ACSM5: variants seen among roughly 807,000 people sequenced by gnomAD.
ACSM5 encodes acyl-coenzyme A synthetase ACSM5, mitochondrial.
ACSM5 carries 56 observed loss-of-function variants against 71.6 expected under a neutral mutation model. The observed-to-expected ratio is 0.78, with a 90% CI of 0.63 to 0.98. The LOEUF is 0.98. ACSM5 is among the 50% of genes least tolerant of loss of function. ACSM5 has a pLI of 0.00. For synonymous variants in ACSM5, 285 were observed against 281.5 expected, an observed-to-expected ratio of 1.01 and a Z score of -0.12; for missense variants, 723 against 726.0, an observed-to-expected ratio of 1.00 and a Z score of 0.05.
chr16:20,423,258 G>C (rs901882372), intron 5 of ACSM5, among the ~76,000 whole-genome samples: 4 of 152,206 alleles, frequency 2.6e-5, no homozygotes, highest in African/African-American at 9.6e-5. Flanking sequence ...GAAATGGGGA[G>C]AACCAGGAGT....
chr16:20,418,057 A>G lies in ACSM5; in HGVS notation c.205-2A>G. On this transcript the variant is annotated splice_acceptor_variant, in intron 2 of 13. Coordinates refer to ENST00000331849, the MANE Select transcript of ACSM5 (RefSeq NM_017888.3). LOFTEE classifies it high-confidence loss of function. ...TTTTTTTCTGCCTGTACCACCATCT[A>G]GGCTGGACACCGCCCCCCAAATCCT... 2 of 1,613,486 alleles carry G rather than the reference A, an allele frequency of 1.2e-6. No individual in the cohort carries two copies. The highest frequency in any genetic ancestry group is 2.2e-5 in the South Asian group (2 of 91,046).
chr16:20,425,451 G>A (rs570536532), intron 6 of ACSM5, among the ~76,000 whole-genome samples: 1 of 152,188 alleles, frequency 6.6e-6, no homozygotes, highest in East Asian at 1.9e-4. Flanking sequence ...ATTTTCATAG[G>A]TTATTGGGGA....
intron 7 of ACSM5, among the ~76,000 whole-genome samples, chr16:20,428,101 G>GC (rs1409790480): frequency 1.3e-5 from 2 of 151,938 alleles, no homozygotes; most frequent in Non-Finnish European, 2.9e-5. Context: ...CAAGCTTCTG[G>GC]CCCCCCAAAA....
At chr16:20,434,489 T>A (rs948346684) in intron 10 of ACSM5, among the ~76,000 whole-genome samples, 1 of 152,038 alleles carries the variant, frequency 6.6e-6, no homozygotes, top group Admixed American at 6.6e-5. Flanking sequence ...AGGTCAGGAG[T>A]TCGAGACCAG....
chr16:20,440,631 C>T lies in ACSM5; in HGVS notation c.*204C>T, dbSNP rs1967309317. ...TGGCCCTGATCACATAGATGCTGCG[C>T]CGCCTAGCAAATGCTTGGTGGTTCG... On this transcript the variant is annotated 3_prime_UTR_variant, in exon 14 of 14. Coordinates refer to ENST00000331849, the MANE Select transcript of ACSM5 (RefSeq NM_017888.3). The T allele has an allele frequency of 3.8e-6, 2 of 520,774 alleles. No individual in the cohort carries two copies. The highest frequency in any genetic ancestry group is 7.1e-6 in the Non-Finnish European group (2 of 279,812). 32.3% of individuals were successfully genotyped at this position (520,774 alleles called of 1,614,324 possible). A position where few individuals can be genotyped will look rare whatever the true frequency, so the allele number is the denominator to read the frequency against.
chr16:20,435,292 C>T (rs1430104901), intron 10 of ACSM5, among the ~76,000 whole-genome samples: 7 of 152,168 alleles, frequency 4.6e-5, no homozygotes, highest in Non-Finnish European at 7.3e-5. Flanking sequence ...CTTGGCCTCC[C>T]GAAGTGCTGG....
intron 5 of ACSM5, among the ~76,000 whole-genome samples, 180 bp downstream of exon 5, chr16:20,421,581 G>A (rs1165802994): frequency 1.4e-5 from 2 of 143,720 alleles, no homozygotes; most frequent in African/African-American, 5.2e-5. Context: ...TGAGTGAGGT[G>A]AAAAGCCATG....
intron 5 of ACSM5, among the ~76,000 whole-genome samples, chr16:20,423,038 A>T (rs1388407521): frequency 6.6e-6 from 1 of 152,208 alleles, no homozygotes; most frequent in African/African-American, 2.4e-5. Context: ...GGGCATTTGG[A>T]TACACATGTC....
At position 20,411,605 on chromosome 16, in the gene ACSM5, G is replaced by T. The variant is rs112860183; in HGVS notation, c.121G>T (p.Ala41Ser). Residue 41 changes from alanine to serine, a missense_variant, in exon 2 of 14, where the codon GCC becomes TCC. Coordinates refer to ENST00000331849, the MANE Select transcript of ACSM5 (RefSeq NM_017888.3). ...TCAGAAGATCGTGGCCACCTGGGAAGCCATCAGCCTGGGAAGGCAGCTGGT... is the reference window on the plus strand; with the variant it reads ...TCAGAAGATCGTGGCCACCTGGGAATCCATCAGCCTGGGAAGGCAGCTGGT... Reference protein sequence around the residue: ...VPQKIVATWEAISLGRQLVPE... With the variant: ...VPQKIVATWESISLGRQLVPE... The T allele has an allele frequency of 3.7e-6, 6 of 1,614,186 alleles. No individual in the cohort carries two copies. Among genetic ancestry groups the T allele is most frequent in the Middle Eastern group, 1.6e-4 (1 of 6,062 alleles).
intron 6 of ACSM5, among the ~76,000 whole-genome samples, chr16:20,425,400 T>C (rs1354024248): frequency 6.6e-6 from 1 of 152,210 alleles, no homozygotes; most frequent in Admixed American, 6.5e-5. Flanking sequence ...GACACTTAGG[T>C]TGCTTCAAAA....
At chr16:20,418,650 T>A (rs573871824) in intron 3 of ACSM5, among the ~76,000 whole-genome samples, 1 of 152,332 alleles carries the variant, frequency 6.6e-6, no homozygotes, top group African/African-American at 2.4e-5. Flanking sequence ...TGTCTTTTAA[T>A]GTTGGCATCT....
intron 2 of ACSM5, among the ~76,000 whole-genome samples, chr16:20,413,790 C>G (rs1447919652): frequency 1.3e-5 from 2 of 152,154 alleles, no homozygotes; most frequent in African/African-American, 2.4e-5. Context: ...GAAATTAACA[C>G]TAAGGCAGGA....
In ACSM5 at chr16:20,421,239, G is replaced by C; in HGVS notation, c.624-19G>C. The C allele has an allele frequency of 6.5e-7, 1 of 1,547,646 alleles. No homozygotes were observed. The highest frequency in any genetic ancestry group is 1.2e-5 in the South Asian group (1 of 84,536). The stretch of plus-strand genomic sequence containing the variant: ...GTTTTTACCGTGGTAGTGCCACCTA[G>C]TGTATTTACGTTTTACAGGGAGGCT... On this transcript the variant is annotated intron_variant, in intron 4 of 13. Coordinates refer to ENST00000331849, the MANE Select transcript of ACSM5 (RefSeq NM_017888.3).
chr16:20,438,248 C>A (rs1380005162), intron 12 of ACSM5, among the ~76,000 whole-genome samples: 2 of 151,964 alleles, frequency 1.3e-5, no homozygotes, highest in South Asian at 2.1e-4. Context: ...CAACAGTTAC[C>A]TTTTGAAAGT....
intron 7 of ACSM5, 23 bp from the exon 8 acceptor site, chr16:20,429,655 C>T (rs1448842229): frequency 6.2e-7 from 1 of 1,613,524 alleles, no homozygotes; most frequent in African/African-American, 1.3e-5. Flanking sequence ...ACATAGGTGG[C>T]CTTGTTTTCC....
chr16:20,429,145 G>A (rs933505789), intron 7 of ACSM5, among the ~76,000 whole-genome samples: 1 of 152,006 alleles, frequency 6.6e-6, no homozygotes, highest in African/African-American at 2.4e-5. Context: ...CAAGTAGCTG[G>A]GACTACAGGC....
chr16:20,421,444 G>A (rs751666267), intron 5 of ACSM5, 43 bp downstream of exon 5: 30 of 1,519,060 alleles, frequency 2.0e-5, no homozygotes, highest in Admixed American at 4.0e-5. Context: ...ACAGAAAGTG[G>A]GGAGTGGTCT....
chr16:20,428,045 T>C (rs922417432), intron 7 of ACSM5, among the ~76,000 whole-genome samples, 178 bp downstream of exon 7: 18 of 152,172 alleles, frequency 1.2e-4, no homozygotes, highest in African/African-American at 4.1e-4. Flanking sequence ...CACGTACACA[T>C]TGACAAGTCA....
At chr16:20,419,547 A>T in intron 4 of ACSM5, 112 bp downstream of exon 4, 1 of 1,063,730 alleles carries the variant, frequency 9.4e-7, no homozygotes, top group Admixed American at 2.1e-5. Flanking sequence ...AGAGAGGAGC[A>T]CTCCCATTGG....
Sources: allele counts gnomAD v4.1 joint callset (sites outside exome capture counted in the v4.1 genomes callset), GRCh38; gene constraint gnomAD v4.1.1; transcripts MANE v1.5; gene names NCBI Gene and HGNC (gene_info 2026-07-23, HGNC 2026-07-21).